TTN: variants seen among roughly 807,000 people sequenced by gnomAD.
TTN encodes the protein titin.
A neutral mutation model predicts 3,223.0 loss-of-function variants in TTN; 1,525 were observed. That is an observed-to-expected ratio of 0.47 (90% CI 0.45 to 0.49). The LOEUF is 0.49. Among genes scored for constraint, TTN ranks in the 20% least tolerant of loss-of-function variants. The pLI is 0.00. For missense variants in TTN, 40,786 were observed against 43,424.0 expected (o/e 0.94, Z 5.40); for synonymous variants, 14,094 against 15,161.0 (o/e 0.93, Z 5.17).
chr2:178,692,179 A>T, intron 120 of TTN, 80 bp from the exon 121 acceptor site: 1 of 1,304,572 alleles, frequency 7.7e-7, no homozygotes, highest in Non-Finnish European at 1.1e-6. Context: ...TAAAGCATAA[A>T]TCTTCACTAA....
At chr2:178,747,679 T>C in intron 47 of TTN, 2 of 1,613,060 alleles carry the variant, frequency 1.2e-6, no homozygotes, top group Middle Eastern at 1.7e-4. Context: ...CAAGTAAATA[T>C]TGTGTTAGGG....
chr2:178,729,030 A>T lies in TTN; in HGVS notation c.19008T>A (p.Asp6336Glu), dbSNP rs1416824072. The change falls in exon 65 of 363, where the codon GAT (aspartate) becomes GAA (glutamate). Residue 6336 changes from aspartate to glutamate, a missense_variant. Asp to Glu is a conservative substitution (Grantham distance 45, BLOSUM62 2). Transcript: ENST00000589042. ...TGTCCACAAATGAAATATAGACATT[A>T]TCATCTTCATCAAGAATCTGATCAT... Reference protein sequence around the residue: ...LKDDQILDEDDNVYISFVDSV... With the variant: ...LKDDQILDEDENVYISFVDSV... 6.2e-7 allele frequency: 1 copy of T among 1,612,816 alleles called. No homozygotes were observed. Among genetic ancestry groups the T allele is most frequent in the African/African-American group, 1.3e-5 (1 of 74,892 alleles).
In TTN at chr2:178,530,320, G is replaced by T. The variant is rs773091136; in HGVS notation, c.106295C>A (p.Ser35432Tyr). 6.2e-7 allele frequency: 1 copy of T among 1,613,958 alleles called. No homozygotes were observed. Among genetic ancestry groups the T allele is most frequent in the South Asian group, 1.1e-5 (1 of 91,082 alleles). Residue 35432 changes from serine (S) to tyrosine (Y), a missense_variant, in exon 358 of 363, where the codon TCT (serine) becomes TAT (tyrosine). Ser to Tyr is a moderately radical substitution (Grantham distance 144). Transcript: ENST00000589042. The stretch of plus-strand genomic sequence containing the variant: ...TGCAAATTTAGCAACACTGTCTGAA[G>T]AAACAGTTGTATCCTGCAACCCAGT... ...IVTGLQDTTV[S>Y]SDSVAKFAVK...
Position 178,559,857 on chromosome 2 carries a change from C to T in TTN, c.86275G>A (p.Glu28759Lys), listed in dbSNP as rs1180434242. The change falls in exon 326 of 363, where the codon GAA (glutamate) becomes AAA (lysine). Residue 28759 changes from glutamate (E) to lysine (K), a missense_variant. Glu to Lys is a moderately conservative substitution (Grantham distance 56). Transcript: ENST00000589042. ...EEEPLFDIDS[E>K]MRKTLIVKAG... ...TTGACAATCAAGGTCTTCCTCATTT[C>T]ACTGTCAATATCAAATAAAGGTTCT... 2 of 1,611,682 alleles carry T rather than the reference C, an allele frequency of 1.2e-6. No homozygotes were observed. The highest frequency in any genetic ancestry group is 2.2e-5 in the East Asian group (1 of 44,876).
Position 178,678,820 on chromosome 2 carries a change from C to T in TTN, c.33753G>A (p.Val11251=), listed in dbSNP as rs1366489829. The T allele has an allele frequency of 1.0e-5, 16 of 1,592,590 alleles. No homozygotes were observed. Among genetic ancestry groups the T allele is most frequent in the Non-Finnish European group, 1.3e-5 (15 of 1,172,856 alleles). Residue 11251 remains valine (V), a synonymous_variant, in exon 143 of 363, where the codon GTG becomes GTA. Coordinates refer to ENST00000589042, the MANE Select transcript of TTN (RefSeq NM_001267550.2). ...EKPPPAKVPE[V]PKKPVPEEKV... Reference sequence around the variant, plus strand: ...TCTCCTCTGGCACAGGTTTCTTGGGCACTTCAGGAACTTCAAAGATATCAA... The same window carrying T: ...TCTCCTCTGGCACAGGTTTCTTGGGTACTTCAGGAACTTCAAAGATATCAA...
At position 178,568,262 on chromosome 2, in the gene TTN, G is replaced by A. The variant is rs372165943; in HGVS notation, c.77870C>T (p.Thr25957Ile). The A allele has an allele frequency of 1.9e-6, 3 of 1,613,414 alleles. No individual in the cohort carries two copies. The African/African-American group carries it at 4.0e-5, about 22-fold the overall frequency. Residue 25957 changes from threonine (T) to isoleucine (I), a missense_variant, in exon 326 of 363, where the codon ACT becomes ATT. Coordinates refer to ENST00000589042, the MANE Select transcript of TTN (RefSeq NM_001267550.2). ...RTTLKVTKLKTGTEYQFRIFA... is the reference protein window; with the variant it reads ...RTTLKVTKLKIGTEYQFRIFA... The stretch of plus-strand genomic sequence containing the variant: ...TATTCTAAATTGGTATTCTGTACCA[G>A]TTTTCAGTTTGGTCACTTTGAGTGT...
Position 178,592,069 on chromosome 2 carries a change from G to A in TTN, c.59835C>T (p.Asn19945=), listed in dbSNP as rs72646842. 292 of 1,613,026 alleles carry A rather than the reference G, an allele frequency of 1.8e-4. 3 individuals carry two copies. The African/African-American group carries it at 3.5e-3, about 19-fold the overall frequency. ...SHFAKHLNEG[N]QYLFRVAAEN... is the part of the protein sequence containing the mutation. ...CCGCAGCTACTCGGAAGAGGTACTG[G>A]TTGCCTTCATTCAGATGCTTAGCGA... is the stretch of plus-strand genomic sequence containing the variant. The change falls in exon 302 of 363, where the codon AAC becomes AAT. Residue 19945 remains asparagine, a synonymous_variant. Transcript: ENST00000589042.
intron 250 of TTN, 26 bp from the exon 251 acceptor site, chr2:178,618,879 G>A (rs776326290): frequency 3.7e-5 from 59 of 1,598,096 alleles, no homozygotes; most frequent in Non-Finnish European, 4.5e-5. Context: ...ACATGTGAAC[G>A]CTTTCGACTA....
In TTN at chr2:178,568,820, A is replaced by G; in HGVS notation, c.77312T>C (p.Val25771Ala). The G allele has an allele frequency of 6.2e-7, 1 of 1,613,120 alleles. No individual in the cohort carries two copies. The highest frequency in any genetic ancestry group is 8.5e-7 in the Non-Finnish European group (1 of 1,179,542). ...TCTCCCCTTTTCATTTACAGCAACA[A>G]CTCTAAAAAGATATTCTTCCCCTTG... ...LTQGEEYLFR[V>A]VAVNEKGRSD... The change falls in exon 326 of 363, where the codon GTT becomes GCT. Residue 25771 changes from valine to alanine, a missense_variant. Physicochemically the swap from Val to Ala is moderately conservative, Grantham distance 64. Transcript: ENST00000589042.
At position 178,712,990 on chromosome 2, in the gene TTN, A is replaced by C. The variant is rs1381722076; in HGVS notation, c.27050-15T>G. The C allele has an allele frequency of 6.2e-7, 1 of 1,609,480 alleles. No individual in the cohort carries two copies. Among genetic ancestry groups the C allele is most frequent in the Non-Finnish European group, 8.5e-7 (1 of 1,176,762 alleles). ...AGATGGTGGTTCTAAACACAAAAGC[A>C]CATATCAGAAAAGGTTTAGTATTTG... On this transcript the variant is annotated splice_polypyrimidine_tract_variant and intron_variant, in intron 93 of 362. Coordinates refer to ENST00000589042, the MANE Select transcript of TTN (RefSeq NM_001267550.2).
Position 178,679,594 on chromosome 2 carries a change from T to C in TTN, c.33664+5A>G, listed in dbSNP as rs548811016. On this transcript the variant is annotated splice_donor_5th_base_variant and intron_variant, in intron 141 of 362. Coordinates refer to ENST00000589042, the MANE Select transcript of TTN (RefSeq NM_001267550.2). ...TTAGATACCCGTCAATGAATGGTGG[T>C]GTACCTTTTGCCGGTGGAGCTTCCT... 6.2e-6 allele frequency: 10 copies of C among 1,609,778 alleles called. No individual in the cohort carries two copies. Among genetic ancestry groups the C allele is most frequent in the Non-Finnish European group, 8.5e-6 (10 of 1,178,542 alleles).
At chr2:178,593,936 A>G (rs1457260326) in intron 297 of TTN, 25 bp downstream of exon 297, 7 of 1,611,278 alleles carry the variant, frequency 4.3e-6, no homozygotes, top group Non-Finnish European at 5.1e-6. Context: ...CAGAAGATCT[A>G]TTCTTTCCAC....
intron 44 of TTN, among the ~76,000 whole-genome samples, chr2:178,758,592 A>G (rs2088018578): frequency 1.3e-5 from 2 of 152,354 alleles, no homozygotes; most frequent in South Asian, 4.1e-4. Flanking sequence ...TTGTGTCAGC[A>G]TGATAGGAGG....
At position 178,647,081 on chromosome 2, in the gene TTN, T is replaced by G; in HGVS notation, c.40205A>C (p.Glu13402Ala). Reference protein sequence around the residue: ...EKASITIGRKETPPVEEREIE... With the variant: ...EKASITIGRKATPPVEEREIE... ...ATATATACCTTCAACAGGGGGAGTCTCTTTTCTACCAATGGTTATAGATGC... is the reference window on the plus strand; with the variant it reads ...ATATATACCTTCAACAGGGGGAGTCGCTTTTCTACCAATGGTTATAGATGC... Residue 13402 changes from glutamate to alanine, a missense_variant, in exon 215 of 363, where the codon GAG becomes GCG. Transcript: ENST00000589042. 7.4e-7 allele frequency: 1 copy of G among 1,357,064 alleles called. No homozygotes were observed. Among genetic ancestry groups the G allele is most frequent in the Non-Finnish European group, 9.6e-7 (1 of 1,038,310 alleles). 84.1% of individuals were successfully genotyped at this position (1,357,064 alleles called of 1,614,324 possible).
chr2:178,527,548 G>A lies in TTN; in HGVS notation c.107578C>T (p.Gln35860Ter), dbSNP rs1009131948. The change falls in exon 362 of 363, where the codon CAA becomes TAA. Residue 35860 changes from glutamine to a stop codon, truncating the protein, a stop_gained. Transcript: ENST00000589042. LOFTEE classifies it high-confidence loss of function. ...SMSAQSMSSM[Q>*]ESFVEMSSSS... is the part of the protein sequence containing the mutation. ...GAACTCATTTCTACAAAGGACTCTT[G>A]CATGGAGGACATGCTTTGGGCAGAC... 10 of 1,613,864 alleles carry A rather than the reference G, an allele frequency of 6.2e-6. No homozygotes were observed. The highest frequency in any genetic ancestry group is 3.3e-5 in the Admixed American group (2 of 60,010).
rs111401822 is a variant in TTN, at chr2:178,528,429, T to G, written c.107224-2A>C. On this transcript the variant is annotated splice_acceptor_variant, in intron 360 of 362. Coordinates refer to ENST00000589042, the MANE Select transcript of TTN (RefSeq NM_001267550.2). LOFTEE classifies it high-confidence loss of function. ...GCTGACATTTGAAGAAATAGAAATCTAAGACAAAGGAAAAAGAAAAGAAAT... is the reference window on the plus strand; with the variant it reads ...GCTGACATTTGAAGAAATAGAAATCGAAGACAAAGGAAAAAGAAAAGAAAT... 2 of 1,610,134 alleles carry G rather than the reference T, an allele frequency of 1.2e-6. No individual in the cohort carries two copies. Among genetic ancestry groups the G allele is most frequent in the Non-Finnish European group, 1.7e-6 (2 of 1,178,834 alleles).
At position 178,535,379 on chromosome 2, in the gene TTN, G is replaced by A. The variant is rs199594729; in HGVS notation, c.101236C>T (p.Arg33746Cys). The A allele has an allele frequency of 9.9e-6, 16 of 1,613,734 alleles. No homozygotes were observed. The highest frequency in any genetic ancestry group is 5.0e-5 in the Admixed American group (3 of 59,996). ...WLRVGQARETRYTVINLFGKT... is the reference protein window; with the variant it reads ...WLRVGQARETCYTVINLFGKT... ...CCAAATAAGTTGATCACGGTATAACGTGTTTCTCGGGCCTGTCCTACACGG... is the reference window on the plus strand; with the variant it reads ...CCAAATAAGTTGATCACGGTATAACATGTTTCTCGGGCCTGTCCTACACGG... Residue 33746 changes from arginine to cysteine, a missense_variant, in exon 358 of 363, where the codon CGT (arginine) becomes TGT (cysteine). Transcript: ENST00000589042.
At chr2:178,780,381 C>T (rs2092656774) in intron 21 of TTN, among the ~76,000 whole-genome samples, 176 bp from the exon 22 acceptor site, 1 of 152,188 alleles carries the variant, frequency 6.6e-6, no homozygotes, top group Admixed American at 6.5e-5. Flanking sequence ...ACCAAACTAA[C>T]ACTAACAAAT....
chr2:178,706,772 T>G (rs2075936650), intron 101 of TTN, 33 bp from the exon 102 acceptor site: 1 of 1,596,262 alleles, frequency 6.3e-7, no homozygotes, highest in Admixed American at 1.8e-5. Flanking sequence ...GAATAAAAAT[T>G]TAATTTTCTA....
Sources: allele counts gnomAD v4.1 joint callset (sites outside exome capture counted in the v4.1 genomes callset), GRCh38; gene constraint gnomAD v4.1.1; transcripts MANE v1.5; gene names NCBI Gene and HGNC (gene_info 2026-07-23, HGNC 2026-07-21).